The following KIAA1217 variants were observed in gnomAD, a reference collection of about 807,000 sequenced individuals.
The protein encoded by KIAA1217 is sickle tail protein homolog.
Under a neutral mutation model 163.9 loss-of-function variants are expected in KIAA1217, and 88 were observed. That is an observed-to-expected ratio of 0.54 (90% CI 0.45 to 0.64). The LOEUF (loss-of-function observed/expected upper bound fraction) is 0.64, where lower values mean the gene tolerates loss of function less well. KIAA1217 is among the 30% of genes least tolerant of loss of function. KIAA1217 has a pLI of 0.00. For synonymous variants in KIAA1217, 903 were observed against 923.1 expected, an observed-to-expected ratio of 0.98 and a Z score of 0.39; for missense variants, 2,372 against 2,475.0, an observed-to-expected ratio of 0.96 and a Z score of 0.88.
rs563310773 is a variant in KIAA1217 at position 24,034,352 on chromosome 10, G to C, written c.-171+26978G>C. Reference sequence around the variant, plus strand: ...GGTGGGGTGGATTGCTTGAGCCCAGGAGTTCCAGACCAGCCTGGGCAACAT... The same window carrying C: ...GGTGGGGTGGATTGCTTGAGCCCAGCAGTTCCAGACCAGCCTGGGCAACAT... On this transcript the variant is annotated intron_variant, in intron 2 of 18. Transcript: ENST00000376462. Among the ~76,000 whole-genome samples the C allele has an allele frequency of 1.9e-3, 295 of 152,028 alleles. 2 individuals are homozygous for C. Among genetic ancestry groups the C allele is most frequent in the African/African-American group, 7.0e-3 (291 of 41,470 alleles).
At chr10:23,786,662 A>T (rs370260483) in intron 1 of KIAA1217, among the ~76,000 whole-genome samples, 12 of 152,176 alleles carry the variant, frequency 7.9e-5, no homozygotes, top group African/African-American at 2.4e-4. Flanking sequence ...AGGCCATGGC[A>T]GAGTTTTCAT....
intron 2 of KIAA1217, among the ~76,000 whole-genome samples, chr10:24,312,308 T>G (rs2042801440): frequency 2.7e-5 from 4 of 149,162 alleles, no homozygotes; most frequent in Admixed American, 2.7e-4. Flanking sequence ...TGTCATAGAT[T>G]TAAAAAAAAA....
chr10:24,535,205 T>G (rs932833001), intron 16 of KIAA1217, among the ~76,000 whole-genome samples: 1 of 152,120 alleles, frequency 6.6e-6, no homozygotes, highest in Non-Finnish European at 1.5e-5. Flanking sequence ...GCTTTCTAAG[T>G]AAGCGGATAA....
intron 1 of KIAA1217, among the ~76,000 whole-genome samples, chr10:23,999,409 G>A (rs1039163143): frequency 2.3e-4 from 35 of 152,146 alleles, no homozygotes; most frequent in African/African-American, 8.5e-4. Flanking sequence ...AATGTGGCCA[G>A]GGAACCACCA....
At chr10:24,326,598 G>A (rs574758772) in intron 2 of KIAA1217, among the ~76,000 whole-genome samples, 2 of 152,194 alleles carry the variant, frequency 1.3e-5, no homozygotes, top group African/African-American at 4.8e-5. Flanking sequence ...GAATACTGCT[G>A]TTATTAAATG....
intron 3 of KIAA1217, among the ~76,000 whole-genome samples, chr10:24,387,892 A>G (rs1457742587): frequency 3.3e-5 from 5 of 151,892 alleles, no homozygotes; most frequent in Middle Eastern, 3.4e-3. Context: ...CCACTTCTCA[A>G]CGAAATAAAA....
intron 2 of KIAA1217, among the ~76,000 whole-genome samples, chr10:24,060,763 T>A (rs925415972): frequency 5.9e-5 from 9 of 152,150 alleles, no homozygotes; most frequent in Non-Finnish European, 2.9e-5. Flanking sequence ...ACTCCACATC[T>A]TTGGTGTCAC....
At chr10:24,043,326 T>C (rs1307018051) in intron 2 of KIAA1217, among the ~76,000 whole-genome samples, 2 of 152,174 alleles carry the variant, frequency 1.3e-5, no homozygotes, top group Non-Finnish European at 2.9e-5. Flanking sequence ...AATATTCTCA[T>C]TCTTATAACT....
chr10:24,110,306 G>A (rs887722183), intron 2 of KIAA1217, among the ~76,000 whole-genome samples: 2 of 152,106 alleles, frequency 1.3e-5, no homozygotes, highest in Non-Finnish European at 2.9e-5. Context: ...ATTAAAATTA[G>A]TCTATTCTGT....
chr10:24,362,723 G>A (rs1424705313), intron 2 of KIAA1217, among the ~76,000 whole-genome samples: 16 of 152,086 alleles, frequency 1.1e-4, no homozygotes, highest in South Asian at 2.1e-4. Flanking sequence ...TTTCTGGGCC[G>A]GGCGCGGTGG....
rs778380892 is a variant in KIAA1217 at position 24,520,239 on chromosome 10, T to G, written c.2294T>G (p.Val765Gly). 1 of 1,614,096 alleles carries G rather than the reference T, an allele frequency of 6.2e-7. No homozygotes were observed. Among genetic ancestry groups the G allele is most frequent in the Non-Finnish European group, 8.5e-7 (1 of 1,179,972 alleles). The change falls in exon 11 of 21, where the codon GTA becomes GGA. Residue 765 changes from valine to glycine, a missense_variant. Val to Gly is a moderately radical substitution (Grantham distance 109, BLOSUM62 -3). This residue lies in a region of KIAA1217 where 1,431 missense variants were observed against 1,470.3 expected (regional missense o/e 0.97). Coordinates refer to ENST00000376454, the MANE Select transcript of KIAA1217 (RefSeq NM_019590.5). ...AFLLRQVGEAVATLKGEFPTL... is the reference protein window; with the variant it reads ...AFLLRQVGEAGATLKGEFPTL... The stretch of plus-strand genomic sequence containing the variant: ...CTCCTGCGTCAAGTGGGAGAGGCTG[T>G]AGCTACCCTGAAAGGTAAACTTTCT...
At position 24,098,029 on chromosome 10, in the gene KIAA1217, G is replaced by A. The variant is rs2062232263; in HGVS notation, c.-171+90655G>A. ...TGCCCTGGAGCTGCCGCTGATCTTT[G>A]GCAGAGGAGACCCAGAAAAAAGGCC... On this transcript the variant is annotated intron_variant, in intron 2 of 18. Coordinates refer to the KIAA1217 transcript ENST00000376462. Among the ~76,000 whole-genome samples the A allele has an allele frequency of 2.6e-5, 4 of 152,028 alleles. 1 individual carries two copies. Among genetic ancestry groups the A allele is most frequent in the Admixed American group, 2.6e-4 (4 of 15,272 alleles).
At chr10:24,182,360 C>A (rs114652569) in intron 2 of KIAA1217, among the ~76,000 whole-genome samples, 1 of 151,250 alleles carries the variant, frequency 6.6e-6, no homozygotes, top group Non-Finnish European at 1.5e-5. Context: ...CGCTTGAACC[C>A]GGGGAGGTGG....
chr10:23,975,257 G>T (rs770229214), intron 1 of KIAA1217, among the ~76,000 whole-genome samples: 1 of 152,158 alleles, frequency 6.6e-6, no homozygotes, highest in African/African-American at 2.4e-5. Context: ...TTACTGCTCC[G>T]TGGGTCTCTT....
chr10:23,798,261 C>T (rs577221954), intron 1 of KIAA1217, among the ~76,000 whole-genome samples: 1 of 152,258 alleles, frequency 6.6e-6, no homozygotes, highest in African/African-American at 2.4e-5. Context: ...AGCTTACCCT[C>T]GATGGAAGCA....
intron 1 of KIAA1217, among the ~76,000 whole-genome samples, chr10:24,218,650 A>G (rs1184628886): frequency 6.6e-6 from 1 of 151,914 alleles, no homozygotes; most frequent in East Asian, 1.9e-4. Flanking sequence ...CACCATGCCC[A>G]GCTAATTTTT....
At chr10:24,315,478 C>T (rs1025640918) in intron 2 of KIAA1217, among the ~76,000 whole-genome samples, 2 of 152,144 alleles carry the variant, frequency 1.3e-5, no homozygotes, top group South Asian at 2.1e-4. Context: ...TTTTGAAGTG[C>T]GAGGACTCAG....
intron 1 of KIAA1217, among the ~76,000 whole-genome samples, chr10:23,939,478 T>G (rs971798254): frequency 6.6e-6 from 1 of 152,104 alleles, no homozygotes; most frequent in East Asian, 1.9e-4. Context: ...CAGTAGATTT[T>G]AGGAGAAAGA....
At chr10:24,121,868 C>T (rs1218947589) in intron 2 of KIAA1217, among the ~76,000 whole-genome samples, 1 of 152,074 alleles carries the variant, frequency 6.6e-6, no homozygotes, top group Non-Finnish European at 1.5e-5. Flanking sequence ...TTATTACATA[C>T]TCAATGATTA....
Sources: allele counts gnomAD v4.1 joint callset (sites outside exome capture counted in the v4.1 genomes callset), GRCh38; gene constraint gnomAD v4.1.1; regional missense constraint gnomAD v4.1.1; transcripts MANE v1.5; gene names NCBI Gene and HGNC (gene_info 2026-07-23, HGNC 2026-07-21).